The following LPIN3 variants were observed in gnomAD, a reference collection of about 807,000 sequenced individuals.
LPIN3 encodes the protein lipin 3.
A neutral mutation model predicts 94.7 loss-of-function variants in LPIN3; 82 were observed. The observed-to-expected ratio is 0.87, with a 90% CI of 0.72 to 1.04. The LOEUF (loss-of-function observed/expected upper bound fraction) is 1.04, where lower values mean the gene tolerates loss of function less well. Among genes scored for constraint, LPIN3 ranks in the 50% least tolerant of loss-of-function variants. The pLI, the probability that LPIN3 is intolerant of heterozygous loss-of-function variation, is 0.00. For missense variants in LPIN3, 996 were observed against 1,090.5 expected, an observed-to-expected ratio of 0.91 and a Z score of 1.22; for synonymous variants, 418 against 443.3, an observed-to-expected ratio of 0.94 and a Z score of 0.72.
At chr20:41,342,508 G>A (rs370470998) in intron 1 of LPIN3, among the ~76,000 whole-genome samples, 6 of 152,282 alleles carry the variant, frequency 3.9e-5, no homozygotes, top group Non-Finnish European at 8.8e-5. Context: ...ATGTTAGTTT[G>A]TGGGTGGAGG....
intron 11 of LPIN3, among the ~76,000 whole-genome samples, chr20:41,353,927 C>T (rs1007225378): frequency 6.6e-6 from 1 of 152,158 alleles, no homozygotes; most frequent in Non-Finnish European, 1.5e-5. Flanking sequence ...CCTCACCTTA[C>T]CCAGACAGAC....
chr20:41,352,667 T>C lies in LPIN3; in HGVS notation c.1425T>C (p.Asp475=). ...QDLTKNPGLL[D]DPNLVVKING... ...TCACCAAAAACCCCGGACTTTTGGA[T>C]GACCCAAACCTAGTGGTGAAAATCA... Residue 475 remains aspartate, a synonymous_variant, in exon 10 of 20, where the codon GAT becomes GAC. Transcript: ENST00000373257. 6.2e-7 allele frequency: 1 copy of C among 1,614,220 alleles called. No homozygotes were observed. Among genetic ancestry groups the C allele is most frequent in the South Asian group, 1.1e-5 (1 of 91,090 alleles).
At chr20:41,354,759 C>A in intron 12 of LPIN3, 22 bp downstream of exon 12, 1 of 1,606,406 alleles carries the variant, frequency 6.2e-7, no homozygotes, top group Non-Finnish European at 8.5e-7. Flanking sequence ...CAGTCGAGGG[C>A]CAGGGCCAGG....
In LPIN3 at chr20:41,350,418, C is replaced by G. The variant is rs767341696; in HGVS notation, c.1102+21C>G. ...GAAAGGTGAGTGACGCTGGGTCTCT[C>G]CCACTGCCTCCCTGGCCTCGCTCTG... On this transcript the variant is annotated intron_variant, in intron 7 of 19. Transcript: ENST00000373257. 5.9e-6 allele frequency: 9 copies of G among 1,523,046 alleles called. No individual in the cohort carries two copies. In the Admixed American group the frequency reaches 1.4e-4, roughly 24 times the overall value. The allele number at this position is 1,523,046 out of a possible 1,614,324, so 94.3% of individuals were successfully genotyped here.
intron 17 of LPIN3, 84 bp from the exon 18 acceptor site, chr20:41,358,153 A>AC (rs1290372018): frequency 5.8e-5 from 92 of 1,573,132 alleles, no homozygotes; most frequent in Admixed American, 1.4e-4. Context: ...GTGGGGTCAG[A>AC]CCCCCCATCA....
chr20:41,352,026 G>A lies in LPIN3; in HGVS notation c.1203-34G>A, dbSNP rs201650405. The A allele has an allele frequency of 1.5e-4, 249 of 1,613,890 alleles. 4 individuals are homozygous for A. In the East Asian group the frequency reaches 4.9e-3, roughly 32 times the overall value. On this transcript the variant is annotated intron_variant, in intron 8 of 19. Coordinates refer to ENST00000373257, the MANE Select transcript of LPIN3 (RefSeq NM_022896.3). ...GGAGGACCCATCTCCCGCCCTCCTCGTATTCTTGTCATTGTTGGCCCCTTT... is the reference window on the plus strand; with the variant it reads ...GGAGGACCCATCTCCCGCCCTCCTCATATTCTTGTCATTGTTGGCCCCTTT...
At position 41,357,121 on chromosome 20, in the gene LPIN3, GCCA is replaced by G. The variant is rs2046235636; in HGVS notation, c.1889_1891del (p.Thr630del). The stretch of plus-strand genomic sequence containing the variant: ...GTACCAGGGCACCTGCCGCTGCAAG[GCCA>G]CCATCTACCTGTGGAAATGGGACGA... On this transcript the variant is annotated inframe_deletion, in exon 15 of 20. Coordinates refer to ENST00000373257, the MANE Select transcript of LPIN3 (RefSeq NM_022896.3). 6.2e-7 allele frequency: 1 copy of G among 1,614,152 alleles called. No homozygotes were observed. Among genetic ancestry groups the G allele is most frequent in the Non-Finnish European group, 8.5e-7 (1 of 1,180,012 alleles).
intron 17 of LPIN3, 95 bp downstream of exon 17, chr20:41,358,129 A>G (rs892676564): frequency 4.4e-6 from 7 of 1,581,926 alleles, no homozygotes; most frequent in Non-Finnish European, 6.0e-6. Context: ...TTAAGCTCTC[A>G]GGTGGCAAGG....
At chr20:41,353,321 C>G (rs2046091928) in intron 11 of LPIN3, among the ~76,000 whole-genome samples, 1 of 152,210 alleles carries the variant, frequency 6.6e-6, no homozygotes, top group Non-Finnish European at 1.5e-5. Flanking sequence ...TTCTTGAGTA[C>G]CTACTATGTC....
chr20:41,349,995 A>G (rs916923719), intron 6 of LPIN3, 60 bp from the exon 7 acceptor site: 45 of 1,559,402 alleles, frequency 2.9e-5, no homozygotes, highest in Non-Finnish European at 3.7e-5. Flanking sequence ...CTGCCCCAAA[A>G]GCTTTGTGGG....
In LPIN3 at chr20:41,355,906, G is replaced by C; in HGVS notation, c.1675G>C (p.Glu559Gln). The change falls in exon 14 of 20, where the codon GAA (glutamate) becomes CAA (glutamine). Residue 559 changes from glutamate (E) to glutamine (Q), a missense_variant. Transcript: ENST00000373257. ...AAKEQQGEKT[E>Q]VLSSDDDAPD... ...CAGTGTGGTCCACAGGGAGAAGACA[G>C]AAGTCCTGAGCAGTGATGACGATGC... The C allele has an allele frequency of 6.2e-7, 1 of 1,614,094 alleles. No homozygotes were observed. The highest frequency in any genetic ancestry group is 1.3e-5 in the African/African-American group (1 of 75,032).
rs762674448 is a variant in LPIN3, at chr20:41,352,040, G to T, written c.1203-20G>T. ...CCGCCCTCCTCGTATTCTTGTCATT[G>T]TTGGCCCCTTTGCCTGCAGTGACTC... is the stretch of plus-strand genomic sequence containing the variant. On this transcript the variant is annotated intron_variant, in intron 8 of 19. Coordinates refer to ENST00000373257, the MANE Select transcript of LPIN3 (RefSeq NM_022896.3). 6 of 1,614,006 alleles carry T rather than the reference G, an allele frequency of 3.7e-6. No individual in the cohort carries two copies. Among genetic ancestry groups the T allele is most frequent in the South Asian group, 1.1e-5 (1 of 91,090 alleles).
In LPIN3 at chr20:41,352,223, A is replaced by T; in HGVS notation, c.1363+3A>T. 1 of 1,613,974 alleles carries T rather than the reference A, an allele frequency of 6.2e-7. No homozygotes were observed. The highest frequency in any genetic ancestry group is 8.5e-7 in the Non-Finnish European group (1 of 1,179,950). On this transcript the variant is annotated splice_donor_region_variant and intron_variant, in intron 9 of 19. Transcript: ENST00000373257. Reference sequence around the variant, plus strand: ...TGACAGCCGGGACATCTCCCTAGGTATGTTCGACCATGGCCAAGCCCTTTT... The same window carrying T: ...TGACAGCCGGGACATCTCCCTAGGTTTGTTCGACCATGGCCAAGCCCTTTT...
intron 9 of LPIN3, 87 bp from the exon 10 acceptor site, chr20:41,352,519 G>A: frequency 8.3e-7 from 1 of 1,198,924 alleles, no homozygotes; most frequent in Non-Finnish European, 1.2e-6. Context: ...CAGGAGGTGA[G>A]CAGCAGAGTG....
chr20:41,349,513 C>T lies in LPIN3; in HGVS notation c.639-261C>T, dbSNP rs79568919. Among the ~76,000 whole-genome samples, 6,435 of 152,176 alleles carry T rather than the reference C, an allele frequency of 0.042. 790 individuals are homozygous for T. In the East Asian group the frequency reaches 0.49, roughly 12 times the overall value. On this transcript the variant is annotated intron_variant, in intron 5 of 19. Coordinates refer to ENST00000373257, the MANE Select transcript of LPIN3 (RefSeq NM_022896.3). ...TTAGGCAATCCAGCTACAACTTTGC[C>T]ATCTTCTTTTTTTTTCCTTCCTTCC...
In LPIN3 at chr20:41,357,465, G is replaced by A. The variant is rs2147010114; in HGVS notation, c.2039+18G>A. 6.2e-7 allele frequency: 1 copy of A among 1,605,492 alleles called. No homozygotes were observed. The highest frequency in any genetic ancestry group is 1.7e-5 in the Admixed American group (1 of 59,962). On this transcript the variant is annotated intron_variant, in intron 16 of 19. Coordinates refer to ENST00000373257, the MANE Select transcript of LPIN3 (RefSeq NM_022896.3). ...ATCCAACTGTGAGTGCCTGGGCTGG[G>A]GCTGGGGCTGAGGCGAGGCCCCCAG...
chr20:41,358,400 G>A (rs892155695), intron 18 of LPIN3, 39 bp from the exon 19 acceptor site: 3 of 1,613,372 alleles, frequency 1.9e-6, no homozygotes, highest in African/African-American at 1.3e-5. Context: ...CCAGCTGCCT[G>A]CAGGCCTCCA....
In LPIN3 at chr20:41,358,715, C is replaced by A; in HGVS notation, c.2412-7C>A. 1.2e-6 allele frequency: 2 copies of A among 1,613,724 alleles called. No homozygotes were observed. Among genetic ancestry groups the A allele is most frequent in the Non-Finnish European group, 1.7e-6 (2 of 1,179,806 alleles). ...CAGGCTCAGTGCTGGCCCCCTTCTG[C>A]CTGTAGGTATGAGCGGCTTGGTGAA... On this transcript the variant is annotated splice_region_variant and splice_polypyrimidine_tract_variant and intron_variant, in intron 19 of 19. Transcript: ENST00000373257.
chr20:41,342,512 G>T (rs1439387782), intron 1 of LPIN3, among the ~76,000 whole-genome samples: 1 of 152,152 alleles, frequency 6.6e-6, no homozygotes, highest in African/African-American at 2.4e-5. Flanking sequence ...TAGTTTGTGG[G>T]TGGAGGGTGA....
Sources: allele counts gnomAD v4.1 joint callset (sites outside exome capture counted in the v4.1 genomes callset), GRCh38; gene constraint gnomAD v4.1.1; transcripts MANE v1.5; gene names NCBI Gene and HGNC (gene_info 2026-07-23, HGNC 2026-07-21).